The following MLLT11 variants were observed in gnomAD, a reference collection of about 807,000 sequenced individuals.
The protein encoded by MLLT11 is protein AF1q.
A neutral mutation model predicts 5.3 loss-of-function variants in MLLT11; 1 was observed. The ratio of observed to expected loss-of-function variants is 0.19; its 90% CI spans 0.07 to 0.89. The LOEUF is 0.89. Among genes scored for constraint, MLLT11 ranks in the 40% least tolerant of loss-of-function variants. The pLI is 0.67. For missense variants in MLLT11, 87 were observed against 107.3 expected (o/e 0.81, Z 0.83); for synonymous variants, 38 against 41.7 (o/e 0.91, Z 0.34).
intron 1 of MLLT11, among the ~76,000 whole-genome samples, chr1:151,066,642 C>T (rs995698517): frequency 2.6e-5 from 4 of 151,950 alleles, no homozygotes; most frequent in Non-Finnish European, 4.4e-5. Flanking sequence ...AGTAGAAATT[C>T]GGCCGGGCGC....
Position 151,067,299 on chromosome 1 carries a change from G to A in MLLT11, c.75G>A (p.Ser25=), listed in dbSNP as rs764199458. ...WRMPIPELDL[S]ELEGLGLSDT... Reference sequence around the variant, plus strand: ...TGCCCATCCCAGAACTGGATCTGTCGGAGCTGGAAGGCCTGGGTCTGTCAG... The same window carrying A: ...TGCCCATCCCAGAACTGGATCTGTCAGAGCTGGAAGGCCTGGGTCTGTCAG... Residue 25 remains serine, a synonymous_variant, in exon 2 of 2, where the codon TCG becomes TCA. Coordinates refer to ENST00000368921, the MANE Select transcript of MLLT11 (RefSeq NM_006818.4). The A allele has an allele frequency of 2.1e-5, 34 of 1,613,850 alleles. No homozygotes were observed. Among genetic ancestry groups the A allele is most frequent in the Middle Eastern group, 3.3e-4 (2 of 6,084 alleles).
At chr1:151,064,944 C>G (rs751268664) in intron 1 of MLLT11, among the ~76,000 whole-genome samples, 4 of 152,144 alleles carry the variant, frequency 2.6e-5, no homozygotes, top group Non-Finnish European at 4.4e-5. Flanking sequence ...TATTGTGGTA[C>G]AAGGCACTGT....
intron 1 of MLLT11, among the ~76,000 whole-genome samples, chr1:151,066,090 T>G (rs1353583698): frequency 1.3e-5 from 2 of 152,214 alleles, no homozygotes; most frequent in Non-Finnish European, 2.9e-5. Context: ...TCCGCCTGCC[T>G]TAGCCTCCCA....
chr1:151,065,228 G>A (rs587597113), intron 1 of MLLT11, among the ~76,000 whole-genome samples: 72 of 152,274 alleles, frequency 4.7e-4, no homozygotes, highest in Non-Finnish European at 8.4e-4. Flanking sequence ...TTGCATGCAT[G>A]TGTTTCTTGA....
rs587631960 is a variant in MLLT11, at chr1:151,068,517, C to G, written c.*1020C>G. The G allele has an allele frequency of 4.9e-6, 1 of 203,348 alleles. No homozygotes were observed. The highest frequency in any genetic ancestry group is 1.1e-5 in the Non-Finnish European group (1 of 90,754). 12.6% of individuals were successfully genotyped at this position (203,348 alleles called of 1,614,324 possible). ...CCAGGACTGGAGTCTAATTTTCTCT[C>G]TTCACAAGAAAAGCCACAGAAATCT... On this transcript the variant is annotated 3_prime_UTR_variant, in exon 2 of 2. Transcript: ENST00000368921.
At chr1:151,061,483 T>C (rs1432223193) in intron 1 of MLLT11, among the ~76,000 whole-genome samples, 1 of 152,224 alleles carries the variant, frequency 6.6e-6, no homozygotes, top group Non-Finnish European at 1.5e-5. Flanking sequence ...TAATTAGATA[T>C]TGCCTTTGCC....
At chr1:151,063,543 A>G (rs1676435069) in intron 1 of MLLT11, among the ~76,000 whole-genome samples, 1 of 152,150 alleles carries the variant, frequency 6.6e-6, no homozygotes, top group African/African-American at 2.4e-5. Flanking sequence ...CTCCTGCCTC[A>G]GCCTCCCAAG....
intron 1 of MLLT11, among the ~76,000 whole-genome samples, chr1:151,062,850 A>G (rs1676425675): frequency 6.6e-6 from 1 of 152,174 alleles, no homozygotes; most frequent in Non-Finnish European, 1.5e-5. Context: ...TAGAATCTCT[A>G]TAGTCCCAGA....
In MLLT11 at chr1:151,067,500, C is replaced by T. The variant is rs776775131; in HGVS notation, c.*3C>T. 1.9e-6 allele frequency: 3 copies of T among 1,612,104 alleles called. No homozygotes were observed. The highest frequency in any genetic ancestry group is 1.7e-5 in the Admixed American group (1 of 59,938). ...CCTTCGAACTGGACTTGCTCTAAGG[C>T]CAAGACTTCTCTCTCCCATCACCTT... On this transcript the variant is annotated 3_prime_UTR_variant, in exon 2 of 2. Transcript: ENST00000368921.
chr1:151,066,299 G>A (rs192987624), intron 1 of MLLT11, among the ~76,000 whole-genome samples: 3 of 152,238 alleles, frequency 2.0e-5, no homozygotes, highest in Admixed American at 6.5e-5. Flanking sequence ...CACCATGCCT[G>A]GCTAACATTT....
intron 1 of MLLT11, among the ~76,000 whole-genome samples, chr1:151,062,339 T>A (rs587659916): frequency 1.3e-5 from 2 of 151,846 alleles, no homozygotes; most frequent in African/African-American, 4.8e-5. Context: ...TTTAAAATTC[T>A]ATGATTTTTT....
intron 1 of MLLT11, among the ~76,000 whole-genome samples, chr1:151,062,211 T>C (rs1429097388): frequency 1.3e-5 from 2 of 152,174 alleles, no homozygotes; most frequent in African/African-American, 2.4e-5. Flanking sequence ...TATAAAGCTG[T>C]TGGCAACTAT....
chr1:151,066,947 A>G (rs1029070247), intron 1 of MLLT11, among the ~76,000 whole-genome samples: 4 of 146,136 alleles, frequency 2.7e-5, no homozygotes, highest in African/African-American at 5.0e-5. Flanking sequence ...AAAAAAAAAA[A>G]GTAGAAATTC....
In MLLT11 at chr1:151,069,513, C is replaced by G. The variant is rs1304225267; in HGVS notation, c.*2016C>G. Among the ~76,000 whole-genome samples the G allele has an allele frequency of 6.6e-6, 1 of 152,150 alleles. No homozygotes were observed. The highest frequency in any genetic ancestry group is 1.5e-5 in the Non-Finnish European group (1 of 68,014). ...GCAATTGGTGGGTGGAGACAGGGAT[C>G]AACTGTTTGGTAAATAAAGTGACTA... On this transcript the variant is annotated 3_prime_UTR_variant, in exon 2 of 2. Coordinates refer to ENST00000368921, the MANE Select transcript of MLLT11 (RefSeq NM_006818.4).
chr1:151,063,615 C>G (rs1051914027), intron 1 of MLLT11, among the ~76,000 whole-genome samples: 1 of 151,976 alleles, frequency 6.6e-6, no homozygotes, highest in East Asian at 1.9e-4. Flanking sequence ...TTAGTAGAGA[C>G]GGGGTTTCAC....
At chr1:151,060,706 C>G (rs587768875) in intron 1 of MLLT11, among the ~76,000 whole-genome samples, 153 bp downstream of exon 1, 1 of 152,302 alleles carries the variant, frequency 6.6e-6, no homozygotes, top group East Asian at 1.9e-4. Context: ...TCACAGCATC[C>G]ATGCCTTGTT....
At chr1:151,063,539 C>G (rs942110816) in intron 1 of MLLT11, among the ~76,000 whole-genome samples, 1 of 152,208 alleles carries the variant, frequency 6.6e-6, no homozygotes, top group Non-Finnish European at 1.5e-5. Context: ...CATTCTCCTG[C>G]CTCAGCCTCC....
chr1:151,062,214 G>A (rs1189354257), intron 1 of MLLT11, among the ~76,000 whole-genome samples: 1 of 152,004 alleles, frequency 6.6e-6, no homozygotes, highest in Non-Finnish European at 1.5e-5. Flanking sequence ...AAAGCTGTTG[G>A]CAACTATCCA....
intron 1 of MLLT11, among the ~76,000 whole-genome samples, chr1:151,066,691 G>A (rs751594696): frequency 2.6e-5 from 4 of 152,090 alleles, no homozygotes; most frequent in Middle Eastern, 3.2e-3. Flanking sequence ...TTGGGAGGCC[G>A]AAGCAGGCAG....
Sources: allele counts gnomAD v4.1 joint callset (sites outside exome capture counted in the v4.1 genomes callset), GRCh38; gene constraint gnomAD v4.1.1; transcripts MANE v1.5; gene names NCBI Gene and HGNC (gene_info 2026-07-23, HGNC 2026-07-21).